TPCN1: variants seen among roughly 807,000 people sequenced by gnomAD.
TPCN1 encodes the protein two pore channel protein 1.
In TPCN1, 52 loss-of-function variants were observed where a neutral mutation model predicts 108.8. That is an observed-to-expected ratio of 0.48 (90% CI 0.38 to 0.60). The LOEUF (loss-of-function observed/expected upper bound fraction) is 0.60, where lower values mean the gene tolerates loss of function less well. Ranked by LOEUF, TPCN1 falls within the 20% of genes least tolerant of loss-of-function variation. TPCN1 has a pLI of 0.00. For synonymous variants in TPCN1, 446 were observed against 433.7 expected (o/e 1.03, Z -0.35); for missense variants, 806 against 1,072.8 (o/e 0.75, Z 3.47).
chr12:113,293,199 G>A (rs1014584751), intron 26 of TPCN1, 70 bp from the exon 27 acceptor site: 21 of 1,601,112 alleles, frequency 1.3e-5, no homozygotes, highest in Middle Eastern at 1.7e-4. Context: ...AGTGGGAGAC[G>A]CCAACTGTGG....
At position 113,297,236 on chromosome 12, in the gene TPCN1, GCAGTGACCCTGCCACAGAGGCAGGGT is replaced by G. The variant is rs1196345912; in HGVS notation, c.*1166_*1191del. The stretch of plus-strand genomic sequence containing the variant: ...GGTGGAGGTAGGAGGGTTGCCAGCT[GCAGTGACCCTGCCACAGAGGCAGGGT>G]CAGTGCAGAGGTCGCTTTGGTTCCG... On this transcript the variant is annotated 3_prime_UTR_variant, in exon 28 of 28. Coordinates refer to ENST00000335509, the MANE Select transcript of TPCN1 (RefSeq NM_017901.6). The surrounding 1 kb of genome is among the most constrained non-coding windows in gnomAD (Gnocchi z 4.4). 1 of 152,924 alleles carries G rather than the reference GCAGTGACCCTGCCACAGAGGCAGGGT, an allele frequency of 6.5e-6. No individual in the cohort carries two copies. The highest frequency in any genetic ancestry group is 1.5e-5 in the Non-Finnish European group (1 of 68,184). 9.5% of individuals were successfully genotyped at this position (152,924 alleles called of 1,614,324 possible). A position where few individuals can be genotyped will look rare whatever the true frequency, so the allele number is the denominator to read the frequency against.
intron 2 of TPCN1, among the ~76,000 whole-genome samples, chr12:113,229,655 A>AT (rs1168041502): frequency 6.6e-6 from 1 of 151,960 alleles, no homozygotes; most frequent in Non-Finnish European, 1.5e-5. Context: ...CACCCAGCTA[A>AT]TTTTTTTGTA....
At chr12:113,252,066 T>G (rs1435518870) in intron 2 of TPCN1, among the ~76,000 whole-genome samples, 1 of 151,654 alleles carries the variant, frequency 6.6e-6, no homozygotes, top group African/African-American at 2.4e-5. Flanking sequence ...CTCTGAGGAC[T>G]GTCCTCCCAG....
chr12:113,264,147 T>C (rs1190092113), intron 3 of TPCN1, among the ~76,000 whole-genome samples: 1 of 152,110 alleles, frequency 6.6e-6, no homozygotes, highest in Non-Finnish European at 1.5e-5. Context: ...GCTGTGGTCA[T>C]GGAGGTGGTA....
chr12:113,282,248 G>A (rs900314369), intron 15 of TPCN1, among the ~76,000 whole-genome samples: 4 of 151,310 alleles, frequency 2.6e-5, no homozygotes, highest in East Asian at 2.0e-4. Flanking sequence ...CCACCACCAC[G>A]CCTGGCTAAT....
chr12:113,255,365 G>A (rs901870184), intron 2 of TPCN1, among the ~76,000 whole-genome samples: 3 of 152,124 alleles, frequency 2.0e-5, no homozygotes, highest in Non-Finnish European at 4.4e-5. Flanking sequence ...TATACTGAAA[G>A]CTGTAAAATA....
At chr12:113,258,066 T>G (rs750553128) in intron 2 of TPCN1, among the ~76,000 whole-genome samples, 2 of 152,222 alleles carry the variant, frequency 1.3e-5, no homozygotes, top group Non-Finnish European at 2.9e-5. Context: ...TTATCTTGAT[T>G]GTTGTGATGA....
Position 113,291,676 on chromosome 12 carries a change from T to C in TPCN1, c.2027T>C (p.Met676Thr). ...LYFMTFYIVT[M>T]VVMTIIVAFI... ...TTCATGACCTTTTACATTGTGACCA[T>C]GGTAGGTCCCGGACCACAGAACGCT... is the stretch of plus-strand genomic sequence containing the variant. Residue 676 changes from methionine to threonine, a missense_variant and splice_region_variant, in exon 24 of 28, where the codon ATG becomes ACG. Physicochemically the swap from Met to Thr is moderately conservative, Grantham distance 81. Transcript: ENST00000335509. 6.2e-7 allele frequency: 1 copy of C among 1,613,736 alleles called. No homozygotes were observed. The highest frequency in any genetic ancestry group is 8.5e-7 in the Non-Finnish European group (1 of 1,179,838).
intron 2 of TPCN1, chr12:113,245,775 C>A: frequency 2.8e-6 from 1 of 353,850 alleles, no homozygotes; most frequent in Non-Finnish European, 5.6e-6. Flanking sequence ...TTTACGCAGC[C>A]GGGCTGCCCC....
chr12:113,285,751 A>G, intron 17 of TPCN1, 138 bp from the exon 18 acceptor site: 1 of 736,912 alleles, frequency 1.4e-6, no homozygotes, highest in East Asian at 2.6e-5. Context: ...ACGCTGGGAC[A>G]TGAGTGAGGC....
chr12:113,244,708 G>A, intron 2 of TPCN1: 1 of 985,438 alleles, frequency 1.0e-6, no homozygotes, highest in Non-Finnish European at 1.2e-6. Context: ...TTGTCATTCT[G>A]GTAGGCGCTG....
chr12:113,280,011 G>T, intron 14 of TPCN1, 140 bp from the exon 15 acceptor site: 1 of 650,848 alleles, frequency 1.5e-6, no homozygotes, highest in Non-Finnish European at 2.8e-6. Flanking sequence ...CACCTCTGGG[G>T]TAAAGACCAT....
At chr12:113,276,075 C>T (rs1436297610) in intron 10 of TPCN1, among the ~76,000 whole-genome samples, 1 of 152,208 alleles carries the variant, frequency 6.6e-6, no homozygotes, top group African/African-American at 2.4e-5. Context: ...CCCATTTGTT[C>T]ATGTATAGTC....
intron 2 of TPCN1, among the ~76,000 whole-genome samples, chr12:113,227,640 C>A (rs1428471541): frequency 6.6e-6 from 1 of 152,114 alleles, no homozygotes; most frequent in African/African-American, 2.4e-5. Flanking sequence ...GTTGCTCAGG[C>A]CTTGGGCTCA....
At chr12:113,246,508 G>A (rs886166100) in intron 2 of TPCN1, among the ~76,000 whole-genome samples, 1 of 152,246 alleles carries the variant, frequency 6.6e-6, no homozygotes, top group African/African-American at 2.4e-5. Flanking sequence ...CTTGCTGGCT[G>A]TGGGAGCCAG....
chr12:113,287,505 C>T (rs1051627924), intron 19 of TPCN1: 19 of 173,192 alleles, frequency 1.1e-4, no homozygotes, highest in Non-Finnish European at 1.7e-4. Context: ...CCACTGGTTT[C>T]CCAGGGACAC....
In TPCN1 at chr12:113,266,056, C is replaced by A; in HGVS notation, c.238-124C>A. 9.6e-7 allele frequency: 1 copy of A among 1,037,656 alleles called. No homozygotes were observed. The highest frequency in any genetic ancestry group is 1.4e-6 in the Non-Finnish European group (1 of 704,298). 64.3% of individuals were successfully genotyped at this position (1,037,656 alleles called of 1,614,324 possible). On this transcript the variant is annotated intron_variant, in intron 3 of 27. Coordinates refer to ENST00000335509, the MANE Select transcript of TPCN1 (RefSeq NM_017901.6). The surrounding 1 kb of genome is among the most constrained non-coding windows in gnomAD (Gnocchi z 4.2). ...GATCATTTTGATTTTCCAGCATCTT[C>A]TGTCTCTGGCCTGAATCTCTCCTCG...
rs185799645 is a variant in TPCN1 at position 113,272,808 on chromosome 12, A to G, written c.783+116A>G. 9.3e-5 allele frequency: 97 copies of G among 1,038,100 alleles called. No individual in the cohort carries two copies. In the East Asian group the frequency reaches 2.1e-3, roughly 23 times the overall value. 64.3% of individuals were successfully genotyped at this position (1,038,100 alleles called of 1,614,324 possible). Reference sequence around the variant, plus strand: ...GAAGGGGGGGCCTGCCTGGTTTCTCATCATAGCTTGTGTGTGCATTGCACC... The same window carrying G: ...GAAGGGGGGGCCTGCCTGGTTTCTCGTCATAGCTTGTGTGTGCATTGCACC... On this transcript the variant is annotated intron_variant, in intron 8 of 27. Coordinates refer to ENST00000335509, the MANE Select transcript of TPCN1 (RefSeq NM_017901.6). The surrounding 1 kb of genome is among the most constrained non-coding windows in gnomAD (Gnocchi z 4.1).
intron 3 of TPCN1, among the ~76,000 whole-genome samples, chr12:113,263,064 G>A (rs1171320043): frequency 6.6e-6 from 1 of 152,186 alleles, no homozygotes; most frequent in Non-Finnish European, 1.5e-5. Flanking sequence ...GCATGTGCAT[G>A]TGGGTATGTA....
Sources: gnomAD v4.1 joint callset for allele counts (sites outside exome capture counted in the v4.1 genomes callset) on GRCh38, gnomAD v4.1.1 for gene constraint, Gnocchi (gnomAD v3.1) non-coding constraint, MANE v1.5 for transcripts, NCBI Gene and HGNC (gene_info 2026-07-23, HGNC 2026-07-21) for gene names.